GRIK4: variants seen among roughly 807,000 people sequenced by gnomAD.
The protein encoded by GRIK4 is glutamate ionotropic receptor kainate type subunit 4.
GRIK4 carries 40 observed loss-of-function variants against 104.9 expected under a neutral mutation model. The observed-to-expected ratio is 0.38, with a 90% CI of 0.30 to 0.50. GRIK4 has a LOEUF of 0.50. GRIK4 is among the 20% of genes least tolerant of loss of function. GRIK4 has a pLI of 0.93. For synonymous variants in GRIK4, 485 were observed against 524.9 expected (o/e 0.92, Z 1.04); for missense variants, 1,047 against 1,308.1 (o/e 0.80, Z 3.08).
Position 120,819,621 on chromosome 11 carries a change from C to G in GRIK4, c.346-134C>G, listed in dbSNP as rs1414780741. On this transcript the variant is annotated intron_variant, in intron 5 of 20. Coordinates refer to ENST00000527524, the MANE Select transcript of GRIK4 (RefSeq NM_014619.5). This position sits in a 1 kb window ranked among gnomAD's most constrained non-coding sequence, Gnocchi z 4.3. ...CACGGAGTGGGTGCCCTGGGAGCTC[C>G]TTCTCCCATTGGTGTCTGGCGAAGG... 2.6e-6 allele frequency: 2 copies of G among 771,384 alleles called. No homozygotes were observed. The highest frequency in any genetic ancestry group is 4.2e-5 in the Admixed American group (2 of 47,912). 47.8% of individuals were successfully genotyped at this position (771,384 alleles called of 1,614,324 possible).
intron 1 of GRIK4, among the ~76,000 whole-genome samples, chr11:120,614,738 G>A (rs573913646): frequency 3.0e-4 from 46 of 152,328 alleles, no homozygotes; most frequent in African/African-American, 9.1e-4. Context: ...GGTGGCTCAC[G>A]TCTGTAATCC....
chr11:120,872,358 A>G (rs1212710980), intron 9 of GRIK4: 1 of 176,584 alleles, frequency 5.7e-6, no homozygotes, highest in Non-Finnish European at 1.2e-5. Flanking sequence ...CACTGCTTAC[A>G]CTCTGCCTGG....
At chr11:120,679,377 C>G (rs1247827785) in intron 3 of GRIK4, among the ~76,000 whole-genome samples, 1 of 152,192 alleles carries the variant, frequency 6.6e-6, no homozygotes, top group Non-Finnish European at 1.5e-5. Context: ...AAACCTAGTG[C>G]CCCCGGAGCC....
chr11:120,847,162 A>T (rs983058323), intron 8 of GRIK4, among the ~76,000 whole-genome samples: 5 of 152,232 alleles, frequency 3.3e-5, no homozygotes, highest in Non-Finnish European at 5.9e-5. Flanking sequence ...TCTACAGTTG[A>T]GTAAACAGAA....
chr11:120,782,144 C>G (rs907854611), intron 3 of GRIK4, among the ~76,000 whole-genome samples: 1 of 152,144 alleles, frequency 6.6e-6, no homozygotes, highest in Non-Finnish European at 1.5e-5. Flanking sequence ...CTGAAATTAT[C>G]CTGCATTTAT....
intron 1 of GRIK4, among the ~76,000 whole-genome samples, chr11:120,633,858 G>C (rs56144287): frequency 2.0e-5 from 3 of 152,100 alleles, no homozygotes; most frequent in Non-Finnish European, 4.4e-5. Context: ...CCCTGCTTGC[G>C]GCACATCTCC....
intron 1 of GRIK4, among the ~76,000 whole-genome samples, chr11:120,603,123 T>TGGG (rs1389514029): frequency 2.0e-5 from 3 of 152,224 alleles, no homozygotes; most frequent in Admixed American, 2.0e-4. Flanking sequence ...AGGTCACAAA[T>TGGG]GGGGAGACTG....
At position 120,540,363 on chromosome 11, in the gene GRIK4, G is replaced by A. The variant is rs569730030; in HGVS notation, c.-159+28476G>A. 3.3e-5 allele frequency among the ~76,000 whole-genome samples: 5 copies of A among 152,304 alleles called. No homozygotes were observed. In the South Asian group the frequency reaches 6.2e-4, roughly 19 times the overall value. ...CGGCTGGGCGTGGCGGCTCATGCCTGTAATCCCAGCACTTTGGGAGGCTGA... is the reference window on the plus strand; with the variant it reads ...CGGCTGGGCGTGGCGGCTCATGCCTATAATCCCAGCACTTTGGGAGGCTGA... On this transcript the variant is annotated intron_variant, in intron 1 of 20. Coordinates refer to ENST00000527524, the MANE Select transcript of GRIK4 (RefSeq NM_014619.5).
intron 1 of GRIK4, among the ~76,000 whole-genome samples, chr11:120,587,111 T>C (rs1230725257): frequency 6.6e-6 from 1 of 152,210 alleles, no homozygotes; most frequent in African/African-American, 2.4e-5. Context: ...TCTCTCTCTG[T>C]ATGCATTACA....
intron 11 of GRIK4, among the ~76,000 whole-genome samples, chr11:120,897,374 C>A (rs1942608649): frequency 6.6e-6 from 1 of 151,044 alleles, no homozygotes; most frequent in Non-Finnish European, 1.5e-5. Flanking sequence ...GTGGCTCATG[C>A]CTGTAATCCC....
chr11:120,641,291 T>C lies in GRIK4; in HGVS notation c.-158-12394T>C, dbSNP rs148801895. ...AATTAGTATAAAGATTTTTTTGTTA[T>C]AATATTGTAATCTCAGTTCAAAAGT... is the stretch of plus-strand genomic sequence containing the variant. On this transcript the variant is annotated intron_variant, in intron 1 of 20. Coordinates refer to ENST00000527524, the MANE Select transcript of GRIK4 (RefSeq NM_014619.5). Among the ~76,000 whole-genome samples the C allele has an allele frequency of 3.1e-3, 468 of 152,246 alleles. 3 individuals are homozygous for C. The South Asian group carries it at 0.031, about 10-fold the overall frequency.
chr11:120,750,549 A>G (rs1342203157), intron 3 of GRIK4, among the ~76,000 whole-genome samples: 1 of 151,686 alleles, frequency 6.6e-6, no homozygotes, highest in Non-Finnish European at 1.5e-5. Flanking sequence ...TTGTATTTTT[A>G]GTAGAGAAGG....
chr11:120,716,512 G>A (rs1024488663), intron 3 of GRIK4, among the ~76,000 whole-genome samples: 1 of 152,202 alleles, frequency 6.6e-6, no homozygotes, highest in Non-Finnish European at 1.5e-5. Context: ...ACAAAGTGCT[G>A]TGATTAGAGG....
chr11:120,574,847 G>C (rs953288266), intron 1 of GRIK4, among the ~76,000 whole-genome samples: 31 of 152,136 alleles, frequency 2.0e-4, no homozygotes, highest in African/African-American at 6.8e-4. Context: ...CCAGACCCAG[G>C]CATCTCTGTT....
intron 1 of GRIK4, among the ~76,000 whole-genome samples, chr11:120,586,016 C>G (rs1481150121): frequency 1.1e-4 from 17 of 152,048 alleles, no homozygotes; most frequent in Admixed American, 9.2e-4. Context: ...CAGGAGACAG[C>G]TGGACATATG....
At chr11:120,691,928 A>G (rs921123647) in intron 3 of GRIK4, among the ~76,000 whole-genome samples, 2 of 152,088 alleles carry the variant, frequency 1.3e-5, no homozygotes, top group Admixed American at 1.3e-4. Context: ...AATTTTCTCC[A>G]CTGGTGGATG....
In GRIK4 at chr11:120,819,673, C is replaced by A. The variant is rs187363735; in HGVS notation, c.346-82C>A. 4.4e-6 allele frequency: 6 copies of A among 1,355,520 alleles called. No individual in the cohort carries two copies. The highest frequency in any genetic ancestry group is 3.7e-4 in the Middle Eastern group (2 of 5,458). The allele number at this position is 1,355,520 out of a possible 1,614,324, so 84.0% of individuals were successfully genotyped here. A position where few individuals can be genotyped will look rare whatever the true frequency, so the allele number is the denominator to read the frequency against. On this transcript the variant is annotated intron_variant, in intron 5 of 20. Coordinates refer to ENST00000527524, the MANE Select transcript of GRIK4 (RefSeq NM_014619.5). This position sits in a 1 kb window ranked among gnomAD's most constrained non-coding sequence, Gnocchi z 4.3. The stretch of plus-strand genomic sequence containing the variant: ...GTTACATAAAAGAACTCACCCTCCA[C>A]AACCTCAGCTCACTCATCCCTCTTT...
intron 11 of GRIK4, among the ~76,000 whole-genome samples, chr11:120,889,584 C>G (rs1010351090): frequency 1.1e-5 from 1 of 87,702 alleles, no homozygotes; most frequent in Non-Finnish European, 2.1e-5. Context: ...ATAGAAAGAG[C>G]TTACATTTTT....
chr11:120,927,910 T>C (rs1304394735), intron 13 of GRIK4, among the ~76,000 whole-genome samples: 1 of 151,786 alleles, frequency 6.6e-6, no homozygotes, highest in Non-Finnish European at 1.5e-5. Context: ...GTCCATGGCA[T>C]AAAAAAATAT....
Sources: gnomAD v4.1 joint callset for allele counts (sites outside exome capture counted in the v4.1 genomes callset) on GRCh38, gnomAD v4.1.1 for gene constraint, Gnocchi (gnomAD v3.1) non-coding constraint, MANE v1.5 for transcripts, NCBI Gene and HGNC (gene_info 2026-07-23, HGNC 2026-07-21) for gene names.